Variants in CTNNA2 observed in about 807,000 individuals in gnomAD.
CTNNA2 encodes catenin alpha-2.
Under a neutral mutation model 101.0 loss-of-function variants are expected in CTNNA2, and 42 were observed. The ratio of observed to expected loss-of-function variants is 0.42; its 90% CI spans 0.32 to 0.54. The LOEUF is 0.54. CTNNA2 is among the 20% of genes least tolerant of loss of function. The pLI is 0.14. For missense variants in CTNNA2, 871 were observed against 1,223.1 expected (o/e 0.71, Z 4.29); for synonymous variants, 450 against 456.4 (o/e 0.99, Z 0.18).
chr2:79,199,668 C>T (rs1210030180), intron 2 of CTNNA2, among the ~76,000 whole-genome samples: 1 of 152,134 alleles, frequency 6.6e-6, no homozygotes, highest in Non-Finnish European at 1.5e-5. Context: ...ATACCATAGA[C>T]TAGGTGACTT....
chr2:79,374,847 CA>C (rs1677948502), intron 4 of CTNNA2, among the ~76,000 whole-genome samples: 1 of 152,100 alleles, frequency 6.6e-6, no homozygotes, highest in Admixed American at 6.6e-5. Context: ...TGACTGGAAG[CA>C]GAAAGAGATT....
rs370794782 is a variant in CTNNA2 at position 80,185,597 on chromosome 2, C to A, written c.1057-207614C>A. ...TCACAGGACCTTTCAGAGTCTTGAGCATGCTAACTGCATTGCAAATTGTAA... is the reference window on the plus strand; with the variant it reads ...TCACAGGACCTTTCAGAGTCTTGAGAATGCTAACTGCATTGCAAATTGTAA... On this transcript the variant is annotated intron_variant, in intron 7 of 18. Transcript: ENST00000402739. 4.6e-5 allele frequency among the ~76,000 whole-genome samples: 7 copies of A among 152,316 alleles called. No individual in the cohort carries two copies. In the East Asian group the frequency reaches 1.4e-3, roughly 29 times the overall value.
At chr2:79,864,595 G>A (rs953848790) in intron 4 of CTNNA2, among the ~76,000 whole-genome samples, 11 of 152,178 alleles carry the variant, frequency 7.2e-5, no homozygotes, top group Non-Finnish European at 1.5e-4. Context: ...CTAGGCCAAT[G>A]AATGAATGAA....
At chr2:79,695,857 G>T (rs1235742833) in intron 2 of CTNNA2, among the ~76,000 whole-genome samples, 2 of 152,030 alleles carry the variant, frequency 1.3e-5, no homozygotes, top group African/African-American at 4.8e-5. Flanking sequence ...CCTACCAAGA[G>T]GAGGTCTGCT....
At chr2:79,581,619 G>A (rs182765346) in intron 1 of CTNNA2, among the ~76,000 whole-genome samples, 13 of 151,896 alleles carry the variant, frequency 8.6e-5, no homozygotes, top group Admixed American at 6.6e-4. Flanking sequence ...AGCCATTTCT[G>A]TACAAAACAT....
intron 7 of CTNNA2, among the ~76,000 whole-genome samples, chr2:80,082,593 A>G (rs1363206796): frequency 6.6e-6 from 1 of 152,098 alleles, no homozygotes; most frequent in Non-Finnish European, 1.5e-5. Context: ...ATGGTAATCT[A>G]TTTGGATTAA....
chr2:79,542,111 C>G (rs1021423766), intron 1 of CTNNA2, among the ~76,000 whole-genome samples: 1 of 151,658 alleles, frequency 6.6e-6, no homozygotes, highest in African/African-American at 2.4e-5. Context: ...AACCTTTTAG[C>G]CCGAAAGTAG....
upstream of CTNNA2, among the ~76,000 whole-genome samples, chr2:79,509,521 G>A (rs1210982117): frequency 6.6e-6 from 1 of 152,136 alleles, no homozygotes; most frequent in East Asian, 1.9e-4. Flanking sequence ...GCTACATATT[G>A]CATGACCCCA....
intron 3 of CTNNA2, among the ~76,000 whole-genome samples, chr2:79,828,339 A>G (rs765322474): frequency 4.6e-5 from 7 of 152,232 alleles, no homozygotes; most frequent in Non-Finnish European, 1.0e-4. Flanking sequence ...TTATTATGAC[A>G]TTTTATTTTT....
chr2:80,645,350 C>T (rs949843495), intron 18 of CTNNA2, among the ~76,000 whole-genome samples: 1 of 152,052 alleles, frequency 6.6e-6, no homozygotes, highest in South Asian at 2.1e-4. Flanking sequence ...ATTATTTACA[C>T]TTCTACCTGG....
intron 7 of CTNNA2, among the ~76,000 whole-genome samples, chr2:80,083,905 G>C (rs1177344644): frequency 6.6e-6 from 1 of 152,044 alleles, no homozygotes; most frequent in Non-Finnish European, 1.5e-5. Flanking sequence ...TTGGGAAGTG[G>C]ATCATAATCT....
chr2:79,765,453 A>T (rs2105109836), intron 3 of CTNNA2, among the ~76,000 whole-genome samples: 1 of 152,274 alleles, frequency 6.6e-6, no homozygotes, highest in Non-Finnish European at 1.5e-5. Flanking sequence ...AAACTTCTGT[A>T]TGCATTAAAA....
At chr2:79,752,573 G>C (rs1672114705) in intron 3 of CTNNA2, among the ~76,000 whole-genome samples, 1 of 152,162 alleles carries the variant, frequency 6.6e-6, no homozygotes, top group Non-Finnish European at 1.5e-5. Flanking sequence ...CTCTCTTTTG[G>C]TTATCATTGC....
chr2:80,591,950 C>T (rs1403238680), intron 15 of CTNNA2, among the ~76,000 whole-genome samples: 1 of 151,480 alleles, frequency 6.6e-6, no homozygotes, highest in Non-Finnish European at 1.5e-5. Flanking sequence ...ATGGCAGAAG[C>T]ACCATCCTGC....
chr2:80,314,969 C>T (rs1028224740), intron 7 of CTNNA2, among the ~76,000 whole-genome samples: 9 of 152,162 alleles, frequency 5.9e-5, no homozygotes, highest in African/African-American at 1.4e-4. Context: ...CATTTAGAAG[C>T]TGTGTGATCT....
chr2:80,168,074 G>A lies in CTNNA2; in HGVS notation c.1057-225137G>A, dbSNP rs1015227850. Among the ~76,000 whole-genome samples the A allele has an allele frequency of 3.9e-5, 6 of 152,178 alleles. No individual in the cohort carries two copies. The South Asian group carries it at 1.0e-3, about 26-fold the overall frequency. ...GTGCCTTGGGGGAGAAGCAGGGAATGGCTGTACGTTTGTTTATTTCATCTC... is the reference window on the plus strand; with the variant it reads ...GTGCCTTGGGGGAGAAGCAGGGAATAGCTGTACGTTTGTTTATTTCATCTC... On this transcript the variant is annotated intron_variant, in intron 7 of 18. Coordinates refer to ENST00000402739, the MANE Select transcript of CTNNA2 (RefSeq NM_001282597.3).
In CTNNA2 at chr2:80,555,732, C is replaced by G; in HGVS notation, c.1580C>G (p.Ala527Gly). ...GAGGATGTGAACAAGTGTGTGATAG[C>G]CCTCCAAGAGGGCGATGTGGACACT... ...ILEDVNKCVI[A>G]LQEGDVDTLD... is the part of the protein sequence containing the mutation. Residue 527 changes from alanine to glycine, a missense_variant, in exon 12 of 19, where the codon GCC becomes GGC. Ala to Gly is a moderately conservative substitution (Grantham distance 60). This residue lies in a region of CTNNA2 where 647 missense variants were observed against 831.5 expected (regional missense o/e 0.78). Coordinates refer to ENST00000402739, the MANE Select transcript of CTNNA2 (RefSeq NM_001282597.3). The G allele has an allele frequency of 6.3e-7, 1 of 1,575,960 alleles. No individual in the cohort carries two copies. Among genetic ancestry groups the G allele is most frequent in the East Asian group, 2.3e-5 (1 of 43,618 alleles).
intron 7 of CTNNA2, among the ~76,000 whole-genome samples, chr2:80,009,724 GTC>G (rs1693631928): frequency 1.9e-5 from 1 of 51,994 alleles, no homozygotes; most frequent in African/African-American, 7.2e-5. Flanking sequence ...GCTGGTGTGT[GTC>G]TGTGTGTGTG....
chr2:79,840,869 A>G (rs988255704), intron 3 of CTNNA2, among the ~76,000 whole-genome samples: 12 of 151,114 alleles, frequency 7.9e-5, no homozygotes, highest in African/African-American at 2.2e-4. Context: ...TCCCGGGTTC[A>G]CGCCATTCTC....
Sources: allele counts gnomAD v4.1 joint callset (sites outside exome capture counted in the v4.1 genomes callset), GRCh38; gene constraint gnomAD v4.1.1; regional missense constraint gnomAD v4.1.1; transcripts MANE v1.5; gene names NCBI Gene and HGNC (gene_info 2026-07-23, HGNC 2026-07-21).